UHRF2: variants seen among roughly 807,000 people sequenced by gnomAD.
UHRF2 encodes the protein ubiquitin like with PHD and ring finger domains 2, also known as E3 ubiquitin-protein ligase UHRF2.
Under a neutral mutation model 96.8 loss-of-function variants are expected in UHRF2, and 23 were observed. That is an observed-to-expected ratio of 0.24 (90% CI 0.17 to 0.34). UHRF2 has a LOEUF of 0.34. Among genes scored for constraint, UHRF2 ranks in the 10% least tolerant of loss-of-function variants. The pLI is 1.00. For missense variants in UHRF2, 685 were observed against 981.5 expected (o/e 0.70, Z 4.04); for synonymous variants, 385 against 332.6 (o/e 1.16, Z -1.72).
chr9:6,470,533 C>T (rs147141739), intron 4 of UHRF2, among the ~76,000 whole-genome samples: 59 of 151,900 alleles, frequency 3.9e-4, no homozygotes, highest in African/African-American at 2.2e-4. Flanking sequence ...ATGAGATTCC[C>T]GATGGAACAT....
chr9:6,487,186 T>TTA (rs1172890936), intron 9 of UHRF2, among the ~76,000 whole-genome samples: 112 of 124,900 alleles, frequency 9.0e-4, no homozygotes, highest in African/African-American at 3.2e-3. Context: ...TTTTTCCTTT[T>TTA]TTTTTTTTTT....
intron 9 of UHRF2, chr9:6,492,608 A>G (rs1008533319): frequency 2.0e-5 from 3 of 153,596 alleles, no homozygotes; most frequent in African/African-American, 7.2e-5. Flanking sequence ...TAAATAATTG[A>G]CTTCTATAAT....
intron 2 of UHRF2, among the ~76,000 whole-genome samples, chr9:6,431,880 A>G (rs772734010): frequency 1.3e-5 from 2 of 152,204 alleles, no homozygotes; most frequent in African/African-American, 2.4e-5. Context: ...CCATTTTAGT[A>G]TCAACTATAT....
chr9:6,420,828 G>C (rs1240161906), intron 1 of UHRF2, 84 bp from the exon 2 acceptor site: 2 of 1,106,766 alleles, frequency 1.8e-6, no homozygotes, highest in Non-Finnish European at 1.4e-6. Flanking sequence ...TGGATTTTAA[G>C]TTTGGCTAGG....
chr9:6,421,570 C>T (rs1469714460), intron 2 of UHRF2, among the ~76,000 whole-genome samples: 1 of 152,124 alleles, frequency 6.6e-6, no homozygotes, highest in African/African-American at 2.4e-5. Context: ...ACGTGCACCA[C>T]CACGCCCGGC....
At chr9:6,426,753 T>C (rs1820282200) in intron 2 of UHRF2, among the ~76,000 whole-genome samples, 1 of 152,150 alleles carries the variant, frequency 6.6e-6, no homozygotes, top group African/African-American at 2.4e-5. Flanking sequence ...TTTATTTTTA[T>C]TTTATTTTAT....
rs201438339 is a variant in UHRF2 at position 6,477,822 on chromosome 9, G to C, written c.1160+14G>C. 1.3e-6 allele frequency: 2 copies of C among 1,566,728 alleles called. No homozygotes were observed. The highest frequency in any genetic ancestry group is 1.7e-6 in the Non-Finnish European group (2 of 1,151,036). On this transcript the variant is annotated intron_variant, in intron 6 of 15. Transcript: ENST00000276893. ...AGAGGAATACTGGTATGATTATCAGGTTTTTGTTGTTGTTGTTCTTGCTGT... is the reference window on the plus strand; with the variant it reads ...AGAGGAATACTGGTATGATTATCAGCTTTTTGTTGTTGTTGTTCTTGCTGT...
At position 6,500,719 on chromosome 9, in the gene UHRF2, G is replaced by T. The variant is rs1816243876; in HGVS notation, c.2163+10G>T. The T allele has an allele frequency of 6.3e-7, 1 of 1,593,846 alleles. No homozygotes were observed. The highest frequency in any genetic ancestry group is 1.8e-5 in the Admixed American group (1 of 54,808). ...TCTTGTGGAAGGACCAGTATGTGAA[G>T]ATTTTTTTAAATAATAACATTCTGA... is the stretch of plus-strand genomic sequence containing the variant. On this transcript the variant is annotated intron_variant, in intron 14 of 15. Coordinates refer to ENST00000276893, the MANE Select transcript of UHRF2 (RefSeq NM_152896.3).
rs1816578995 is a variant in UHRF2, at chr9:6,506,277, C to T, written c.*98C>T. The stretch of plus-strand genomic sequence containing the variant: ...GGAAGAAATGGTGGACTGTATCTCT[C>T]ACGTTCTGAAGCAGCTAATCCTCTT... On this transcript the variant is annotated 3_prime_UTR_variant, in exon 16 of 16. Coordinates refer to ENST00000276893, the MANE Select transcript of UHRF2 (RefSeq NM_152896.3). 6 of 1,485,502 alleles carry T rather than the reference C, an allele frequency of 4.0e-6. No homozygotes were observed. Among genetic ancestry groups the T allele is most frequent in the Admixed American group, 3.9e-5 (2 of 50,664 alleles). The allele number at this position is 1,485,502 out of a possible 1,614,324, so 92.0% of individuals were successfully genotyped here.
intron 8 of UHRF2, among the ~76,000 whole-genome samples, chr9:6,485,190 G>T (rs553535618): frequency 1.3e-5 from 2 of 152,252 alleles, no homozygotes; most frequent in East Asian, 3.9e-4. Flanking sequence ...GGTTGAACCA[G>T]TATTCAGAGT....
intron 3 of UHRF2, 60 bp from the exon 4 acceptor site, chr9:6,460,513 T>C: frequency 7.0e-7 from 1 of 1,423,676 alleles, no homozygotes; most frequent in Non-Finnish European, 9.6e-7. Context: ...TTTCTGTACA[T>C]TGCATAAAAC....
chr9:6,446,477 C>T lies in UHRF2; in HGVS notation c.644+12304C>T, dbSNP rs7030161. On this transcript the variant is annotated intron_variant, in intron 3 of 15. Coordinates refer to ENST00000276893, the MANE Select transcript of UHRF2 (RefSeq NM_152896.3). ...TTAATTTTTAGTAGAAGCAGGGTTT[C>T]GCCATGTTGCCCAGGCTGGTCTCAA... Among the ~76,000 whole-genome samples, 956 of 151,656 alleles carry T rather than the reference C, an allele frequency of 6.3e-3. 5 individuals are homozygous for T. Among genetic ancestry groups the T allele is most frequent in the African/African-American group, 0.022 (901 of 41,360 alleles).
At chr9:6,498,266 A>G (rs1020453858) in intron 12 of UHRF2, 108 bp downstream of exon 12, 19 of 1,216,980 alleles carry the variant, frequency 1.6e-5, no homozygotes, top group South Asian at 4.8e-5. Context: ...CTGGTGGACT[A>G]TAAGGGGTGA....
chr9:6,481,208 C>T (rs1251919469), intron 6 of UHRF2, among the ~76,000 whole-genome samples: 1 of 152,168 alleles, frequency 6.6e-6, no homozygotes, highest in Non-Finnish European at 1.5e-5. Context: ...GTCCTGTATA[C>T]TTGTTATATA....
intron 1 of UHRF2, 141 bp downstream of exon 1, chr9:6,413,784 C>G: frequency 8.9e-7 from 1 of 1,124,950 alleles, no homozygotes; most frequent in Non-Finnish European, 1.2e-6. Flanking sequence ...CCCCGCGAGG[C>G]GCGGGGTGCG....
At chr9:6,448,181 G>A (rs1419664525) in intron 3 of UHRF2, among the ~76,000 whole-genome samples, 1 of 152,152 alleles carries the variant, frequency 6.6e-6, no homozygotes, top group Non-Finnish European at 1.5e-5. Context: ...CAAAAAGACA[G>A]AGTACCTAAG....
chr9:6,465,548 G>A (rs1425396058), intron 4 of UHRF2, among the ~76,000 whole-genome samples: 1 of 152,028 alleles, frequency 6.6e-6, no homozygotes, highest in African/African-American at 2.4e-5. Context: ...TTTATCTATT[G>A]CATCTAAATT....
intron 2 of UHRF2, among the ~76,000 whole-genome samples, chr9:6,423,334 G>A (rs1333165130): frequency 6.6e-6 from 1 of 152,128 alleles, no homozygotes; most frequent in African/African-American, 2.4e-5. Flanking sequence ...TTTATAAATT[G>A]AGTTTAATAC....
At position 6,506,406 on chromosome 9, in the gene UHRF2, A is replaced by C; in HGVS notation, c.*227A>C. ...TGTAACAACTAGTTTTAATGAGTAA[A>C]AAGTCAAAGCCTCAGCTCTAGTTGA... On this transcript the variant is annotated 3_prime_UTR_variant, in exon 16 of 16. Transcript: ENST00000276893. The C allele has an allele frequency of 2.3e-6, 1 of 428,086 alleles. No individual in the cohort carries two copies. The allele number at this position is 428,086 out of a possible 1,614,324, so 26.5% of individuals were successfully genotyped here. A position where few individuals can be genotyped will look rare whatever the true frequency, so the allele number is the denominator to read the frequency against.
Sources: allele counts gnomAD v4.1 joint callset (sites outside exome capture counted in the v4.1 genomes callset), GRCh38; gene constraint gnomAD v4.1.1; transcripts MANE v1.5; gene names NCBI Gene and HGNC (gene_info 2026-07-23, HGNC 2026-07-21).